Variants in ZNF547 observed in about 807,000 individuals in gnomAD.
ZNF547 encodes zinc finger protein 547.
In ZNF547, 4 loss-of-function variants were observed where a neutral mutation model predicts 7.7. The ratio of observed to expected loss-of-function variants is 0.52; its 90% confidence interval spans 0.26 to 1.20. ZNF547 has a LOEUF of 1.20. Ranked by LOEUF, ZNF547 falls within the 50% of genes most tolerant of loss-of-function variation. ZNF547 has a pLI of 0.14. For missense variants in ZNF547, 449 were observed against 485.8 expected (o/e 0.92, Z 0.71); for synonymous variants, 166 against 166.2 (o/e 1.00, Z 0.01).
chr19:57,366,520 T>C (rs1040431523), intron 1 of ZNF547, among the ~76,000 whole-genome samples: 2 of 149,704 alleles, frequency 1.3e-5, no homozygotes, highest in African/African-American at 4.9e-5. Context: ...GGGAATAAGC[T>C]TTCGACTTGC....
At chr19:57,373,596 T>C (rs914240356) in intron 3 of ZNF547, among the ~76,000 whole-genome samples, 1 of 152,122 alleles carries the variant, frequency 6.6e-6, no homozygotes, top group African/African-American at 2.4e-5. Context: ...GCCTGTAAAA[T>C]CAAAAGCAAG....
chr19:57,367,557 G>C (rs764534877), intron 1 of ZNF547, among the ~76,000 whole-genome samples: 4 of 152,122 alleles, frequency 2.6e-5, no homozygotes, highest in Admixed American at 2.0e-4. Context: ...GATACTTGGG[G>C]TTCACACCAT....
Position 57,377,723 on chromosome 19 carries a change from T to C in ZNF547, c.747T>C (p.Phe249=). ...PYECSECGKL[F]MWSSTLITHQ... is the part of the protein sequence containing the mutation. ...AGTGCAGTGAATGTGGGAAATTGTT[T>C]ATGTGGAGTTCCACACTCATTACAC... is the stretch of plus-strand genomic sequence containing the variant. Residue 249 remains phenylalanine (F), a synonymous_variant, in exon 4 of 4, where the codon TTT becomes TTC. Coordinates refer to ENST00000282282, the MANE Select transcript of ZNF547 (RefSeq NM_173631.4). The C allele has an allele frequency of 6.2e-7, 1 of 1,612,860 alleles. No homozygotes were observed. Among genetic ancestry groups the C allele is most frequent in the Non-Finnish European group, 8.5e-7 (1 of 1,179,750 alleles).
intron 1 of ZNF547, chr19:57,365,150 A>G (rs1399394022): frequency 1.3e-6 from 2 of 1,598,430 alleles, no homozygotes; most frequent in Middle Eastern, 1.7e-4. Context: ...TATGATTTAT[A>G]TATAAAATTT....
Position 57,371,803 on chromosome 19 carries a change from G to A in ZNF547, c.46G>A (p.Val16Met), listed in dbSNP as rs762646742. The A allele has an allele frequency of 1.6e-5, 26 of 1,612,720 alleles. No individual in the cohort carries two copies. In the East Asian group the frequency reaches 2.0e-4, roughly 12 times the overall value. Residue 16 changes from valine (V) to methionine (M), a missense_variant, in exon 3 of 4, where the codon GTG becomes ATG. Val to Met is a conservative substitution (Grantham distance 21). Transcript: ENST00000282282. ...PAQGHVVFED[V>M]AIYFSQEEWG... Reference sequence around the variant, plus strand: ...GCAGGGTCATGTGGTTTTTGAAGACGTGGCCATATATTTCTCCCAGGAGGA... The same window carrying A: ...GCAGGGTCATGTGGTTTTTGAAGACATGGCCATATATTTCTCCCAGGAGGA...
chr19:57,366,547 GTTTTT>G (rs34507280), intron 1 of ZNF547, among the ~76,000 whole-genome samples: 9 of 90,430 alleles, frequency 1.0e-4, no homozygotes, highest in Non-Finnish European at 1.0e-4. Flanking sequence ...CAGATAAATT[GTTTTT>G]TTTTTTTTTT....
chr19:57,371,987 C>A, intron 3 of ZNF547, 79 bp downstream of exon 3: 1 of 1,485,036 alleles, frequency 6.7e-7, no homozygotes, highest in Non-Finnish European at 9.0e-7. Context: ...CTGCGTTTCC[C>A]ACAGTGAGAC....
intron 2 of ZNF547, among the ~76,000 whole-genome samples, chr19:57,368,891 TTAGAGGA>T (rs1335506852): frequency 1.3e-5 from 2 of 152,156 alleles, no homozygotes; most frequent in Non-Finnish European, 2.9e-5. Flanking sequence ...GTTTCAGTGT[TTAGAGGA>T]GAGACTGAAC....
rs774199892 is a variant in ZNF547, at chr19:57,377,707, A to C, written c.731A>C (p.Glu244Ala). 3.2e-5 allele frequency: 51 copies of C among 1,614,206 alleles called. No homozygotes were observed. Among genetic ancestry groups the C allele is most frequent in the Non-Finnish European group, 4.2e-5 (50 of 1,180,038 alleles). ...GGAGAAAGGCCTTATGAGTGCAGTG[A>C]ATGTGGGAAATTGTTTATGTGGAGT... ...HSGERPYECS[E>A]CGKLFMWSST... Residue 244 changes from glutamate (E) to alanine (A), a missense_variant, in exon 4 of 4, where the codon GAA becomes GCA. Glu to Ala is a moderately radical substitution (Grantham distance 107). Coordinates refer to ENST00000282282, the MANE Select transcript of ZNF547 (RefSeq NM_173631.4).
chr19:57,364,465 G>GTATCAT, intron 1 of ZNF547: 3 of 220,630 alleles, frequency 1.4e-5, no homozygotes, highest in South Asian at 1.5e-4. Context: ...GAGGGTGGCC[G>GTATCAT]GGCGTGGTGG....
chr19:57,365,127 C>A (rs1168689303), intron 1 of ZNF547: 5 of 1,607,482 alleles, frequency 3.1e-6, no homozygotes, highest in Non-Finnish European at 4.3e-6. Context: ...TAAAGAACTT[C>A]TTTACTGATG....
intron 3 of ZNF547, among the ~76,000 whole-genome samples, chr19:57,376,033 C>T (rs955052036): frequency 3.9e-5 from 6 of 152,178 alleles, no homozygotes; most frequent in Non-Finnish European, 5.9e-5. Flanking sequence ...CGTGGTGGCA[C>T]GTGCCTGTAA....
intron 2 of ZNF547, chr19:57,370,982 T>TG: frequency 6.6e-6 from 1 of 152,282 alleles, no homozygotes. Context: ...GATGGAGTCT[T>TG]GCTGTGTTGT....
At position 57,378,464 on chromosome 19, in the gene ZNF547, C is replaced by G. The variant is rs1311033770; in HGVS notation, c.*279C>G. ...AATAAAGTAGAAAGTGGTAAAGATT[C>G]AACATGCAAGATTGTACTTATTGGG... On this transcript the variant is annotated 3_prime_UTR_variant, in exon 4 of 4. Coordinates refer to ENST00000282282, the MANE Select transcript of ZNF547 (RefSeq NM_173631.4). 1 of 602,848 alleles carries G rather than the reference C, an allele frequency of 1.7e-6. No individual in the cohort carries two copies. Among genetic ancestry groups the G allele is most frequent in the Non-Finnish European group, 3.1e-6 (1 of 320,668 alleles). The allele number at this position is 602,848 out of a possible 1,614,324, so 37.3% of individuals were successfully genotyped here.
In ZNF547 at chr19:57,377,884, A is replaced by G. The variant is rs763466943; in HGVS notation, c.908A>G (p.Lys303Arg). 1.2e-6 allele frequency: 2 copies of G among 1,611,468 alleles called. No individual in the cohort carries two copies. The highest frequency in any genetic ancestry group is 2.2e-5 in the South Asian group (2 of 90,964). ...KRSYGCSECG[K>R]FFMERSTLSR... ...TCTTATGGTTGCAGTGAATGTGGGA[A>G]ATTCTTTATGGAAAGGTCTACACTC... Residue 303 changes from lysine (K) to arginine (R), a missense_variant, in exon 4 of 4, where the codon AAA becomes AGA. By Grantham distance (26) the Lys-to-Arg change is conservative (BLOSUM62 2). Transcript: ENST00000282282.
intron 3 of ZNF547, among the ~76,000 whole-genome samples, chr19:57,376,469 C>G (rs537457454): frequency 2.0e-4 from 30 of 152,252 alleles, no homozygotes; most frequent in Middle Eastern, 6.8e-3. Context: ...AAATTATTGC[C>G]AAACCAACTC....
intron 1 of ZNF547, chr19:57,368,315 C>T (rs2088482880): frequency 1.3e-5 from 7 of 522,330 alleles, no homozygotes; most frequent in Non-Finnish European, 2.4e-5. Flanking sequence ...AGGTGGGAGC[C>T]ATTCTTACAA....
intron 3 of ZNF547, among the ~76,000 whole-genome samples, chr19:57,374,749 TA>T (rs2088526061): frequency 6.6e-6 from 1 of 152,210 alleles, no homozygotes; most frequent in African/African-American, 2.4e-5. Flanking sequence ...TTCTCTTTGC[TA>T]AAGCATAGCA....
chr19:57,376,749 T>G (rs1175426764), intron 3 of ZNF547, among the ~76,000 whole-genome samples: 4 of 152,126 alleles, frequency 2.6e-5, no homozygotes, highest in Non-Finnish European at 4.4e-5. Context: ...CCTGGGGAGT[T>G]TCTTCAGACC....
Sources: gnomAD v4.1 joint callset for allele counts (sites outside exome capture counted in the v4.1 genomes callset) on GRCh38, gnomAD v4.1.1 for gene constraint, MANE v1.5 for transcripts, NCBI Gene and HGNC (gene_info 2026-07-23, HGNC 2026-07-21) for gene names.